SGCZ: variants seen among roughly 807,000 people sequenced by gnomAD.
The protein encoded by SGCZ is sarcoglycan zeta, also known as zeta-sarcoglycan.
Under a neutral mutation model 41.3 loss-of-function variants are expected in SGCZ, and 40 were observed. That is an observed-to-expected ratio of 0.97 (90% CI 0.75 to 1.26). The LOEUF (loss-of-function observed/expected upper bound fraction) is 1.26. SGCZ is among the 50% of genes most tolerant of loss of function. The pLI, the probability that SGCZ is intolerant of heterozygous loss-of-function variation, is 0.00. For synonymous variants in SGCZ, 206 were observed against 137.5 expected, an observed-to-expected ratio of 1.50 and a Z score of -3.49; for missense variants, 552 against 369.8, an observed-to-expected ratio of 1.49 and a Z score of -4.04.
chr8:14,986,882 G>A (rs2130887861), intron 1 of SGCZ, among the ~76,000 whole-genome samples: 1 of 151,910 alleles, frequency 6.6e-6, no homozygotes, highest in African/African-American at 2.4e-5. Flanking sequence ...TTAAAATTTT[G>A]TTATAAATAC....
At chr8:14,462,380 T>C (rs1800926806) in intron 2 of SGCZ, among the ~76,000 whole-genome samples, 1 of 152,054 alleles carries the variant, frequency 6.6e-6, no homozygotes, top group South Asian at 2.1e-4. Flanking sequence ...TAAATATTTT[T>C]AACCATACTA....
At chr8:14,674,027 A>G (rs1417541792) in intron 1 of SGCZ, among the ~76,000 whole-genome samples, 3 of 152,174 alleles carry the variant, frequency 2.0e-5, no homozygotes, top group Non-Finnish European at 4.4e-5. Context: ...CAAGATAAAT[A>G]CTAATTTGGA....
At chr8:14,230,436 A>C (rs4490826) in intron 4 of SGCZ, among the ~76,000 whole-genome samples, 1 of 151,662 alleles carries the variant, frequency 6.6e-6, no homozygotes, top group Non-Finnish European at 1.5e-5. Flanking sequence ...TATATGAGGC[A>C]AATACTCATA....
At chr8:14,224,690 A>G (rs1806312961) in intron 4 of SGCZ, among the ~76,000 whole-genome samples, 1 of 152,202 alleles carries the variant, frequency 6.6e-6, no homozygotes, top group Non-Finnish European at 1.5e-5. Context: ...CACCATAAAA[A>G]TTATAAAATG....
At chr8:15,032,601 C>A (rs1327024289) in intron 1 of SGCZ, among the ~76,000 whole-genome samples, 5 of 152,144 alleles carry the variant, frequency 3.3e-5, no homozygotes, top group African/African-American at 1.2e-4. Flanking sequence ...TGGGACACCC[C>A]AGCACTGGGC....
intron 5 of SGCZ, among the ~76,000 whole-genome samples, chr8:14,129,837 A>G (rs1802984403): frequency 1.3e-5 from 2 of 152,210 alleles, no homozygotes; most frequent in South Asian, 4.1e-4. Flanking sequence ...AGAAATGAAT[A>G]AAGACAGAAG....
chr8:14,236,198 G>A (rs1418146412), intron 4 of SGCZ, among the ~76,000 whole-genome samples: 1 of 152,098 alleles, frequency 6.6e-6, no homozygotes, highest in African/African-American at 2.4e-5. Context: ...GATGGTTCTT[G>A]CTTCTGAATC....
At chr8:15,168,641 G>C (rs1352422805) in intron 1 of SGCZ, among the ~76,000 whole-genome samples, 1 of 139,438 alleles carries the variant, frequency 7.2e-6, no homozygotes, top group Non-Finnish European at 1.6e-5. Context: ...AGGGACACCT[G>C]TTCCCCTCTT....
chr8:15,000,330 G>T (rs1802371168), intron 1 of SGCZ, among the ~76,000 whole-genome samples: 1 of 152,130 alleles, frequency 6.6e-6, no homozygotes, highest in South Asian at 2.1e-4. Flanking sequence ...AAAAATATGG[G>T]ATAAAGCCTT....
At chr8:14,181,744 TC>T (rs1009968630) in intron 4 of SGCZ, among the ~76,000 whole-genome samples, 2 of 152,184 alleles carry the variant, frequency 1.3e-5, no homozygotes, top group Non-Finnish European at 2.9e-5. Context: ...TCCTTTGTCT[TC>T]CGCCATGATT....
chr8:14,653,888 A>G (rs891193727), intron 1 of SGCZ, among the ~76,000 whole-genome samples: 1 of 152,082 alleles, frequency 6.6e-6, no homozygotes, highest in Non-Finnish European at 1.5e-5. Flanking sequence ...CCTTTTTTTG[A>G]AAGCTCTATT....
At chr8:14,321,600 G>A (rs1190326582) in intron 3 of SGCZ, among the ~76,000 whole-genome samples, 1 of 152,066 alleles carries the variant, frequency 6.6e-6, no homozygotes, top group Non-Finnish European at 1.5e-5. Context: ...TAAATTTAAA[G>A]AGAGCAACAG....
intron 1 of SGCZ, among the ~76,000 whole-genome samples, chr8:15,196,300 T>G (rs540522230): frequency 3.5e-4 from 53 of 152,300 alleles, no homozygotes; most frequent in Non-Finnish European, 1.5e-5. Flanking sequence ...AATCCAAAAT[T>G]TGTTTTGCTC....
At chr8:14,441,985 T>G (rs1800284894) in intron 2 of SGCZ, among the ~76,000 whole-genome samples, 1 of 152,272 alleles carries the variant, frequency 6.6e-6, no homozygotes, top group Non-Finnish European at 1.5e-5. Context: ...CATATTCTCT[T>G]ACTTTTTCTG....
chr8:15,025,001 CAA>C (rs1434483769), intron 1 of SGCZ, among the ~76,000 whole-genome samples: 2 of 151,416 alleles, frequency 1.3e-5, no homozygotes, highest in Non-Finnish European at 2.9e-5. Context: ...GAGTTTCAAG[CAA>C]AGTCCTGAGC....
At chr8:14,742,479 C>G (rs1015802205) in intron 1 of SGCZ, among the ~76,000 whole-genome samples, 1 of 151,990 alleles carries the variant, frequency 6.6e-6, no homozygotes, top group African/African-American at 2.4e-5. Flanking sequence ...ATTTAGTGAG[C>G]AAAGACAATT....
At chr8:15,189,406 G>C (rs999628457) in intron 1 of SGCZ, among the ~76,000 whole-genome samples, 13 of 152,198 alleles carry the variant, frequency 8.5e-5, no homozygotes, top group Admixed American at 5.9e-4. Flanking sequence ...CCTCCAAATG[G>C]TCATTTTCAC....
intron 3 of SGCZ, among the ~76,000 whole-genome samples, chr8:14,285,813 GT>G (rs1459476319): frequency 1.3e-5 from 2 of 152,086 alleles, no homozygotes; most frequent in Non-Finnish European, 2.9e-5. Context: ...TCAGTAAAGA[GT>G]GGAGAGAGGC....
chr8:15,091,513 T>C (rs1304998740), intron 1 of SGCZ, among the ~76,000 whole-genome samples: 1 of 152,166 alleles, frequency 6.6e-6, no homozygotes, highest in Non-Finnish European at 1.5e-5. Context: ...AGAGATGCCA[T>C]AAAATTAATG....
Sources: allele counts gnomAD v4.1 joint callset (sites outside exome capture counted in the v4.1 genomes callset), GRCh38; gene constraint gnomAD v4.1.1; transcripts MANE v1.5; gene names NCBI Gene and HGNC (gene_info 2026-07-23, HGNC 2026-07-21).